The following MATN4 variants were observed in gnomAD, a reference collection of about 807,000 sequenced individuals.
MATN4 encodes matrilin-4.
A neutral mutation model predicts 54.6 loss-of-function variants in MATN4; 40 were observed. That is an observed-to-expected ratio of 0.73 (90% CI 0.57 to 0.95). The LOEUF is 0.95. Ranked by LOEUF, MATN4 falls within the 40% of genes least tolerant of loss-of-function variation. The pLI, the probability that MATN4 is intolerant of heterozygous loss-of-function variation, is 0.00. For missense variants in MATN4, 810 were observed against 819.1 expected (o/e 0.99, Z 0.13); for synonymous variants, 351 against 345.3 (o/e 1.02, Z -0.18).
rs1284438754 is a variant in MATN4, at chr20:45,306,935, G to A, written c.-35+1240C>T. The A allele has an allele frequency of 3.2e-5, 40 of 1,255,912 alleles. No individual in the cohort carries two copies. Among genetic ancestry groups the A allele is most frequent in the Non-Finnish European group, 4.0e-5 (40 of 992,320 alleles). 77.8% of individuals were successfully genotyped at this position (1,255,912 alleles called of 1,614,324 possible). A position where few individuals can be genotyped will look rare whatever the true frequency, so the allele number is the denominator to read the frequency against. ...CCGTGGAGCCACCATGGACCCCGCA[G>A]GGGCAGCAGGTGAGCGCTTACCCTC... On this transcript the variant is annotated intron_variant, in intron 1 of 9. Coordinates refer to ENST00000372756, the MANE Select transcript of MATN4 (RefSeq NM_001393530.1).
In MATN4 at chr20:45,304,749, C is replaced by T. The variant is rs1454655726; in HGVS notation, c.122G>A (p.Ser41Asn). ...GPLDLVFVID[S>N]SRSVRPFEFE... Reference sequence around the variant, plus strand: ...CTCGAAAGGGCGCACGCTGCGGGAGCTGTCAATCACGAACACCAGATCCAG... The same window carrying T: ...CTCGAAAGGGCGCACGCTGCGGGAGTTGTCAATCACGAACACCAGATCCAG... The change falls in exon 3 of 10, where the codon AGC (serine) becomes AAC (asparagine). Residue 41 changes from serine to asparagine, a missense_variant. Transcript: ENST00000372756. 1.2e-6 allele frequency: 2 copies of T among 1,601,744 alleles called. No individual in the cohort carries two copies. Among genetic ancestry groups the T allele is most frequent in the Admixed American group, 3.4e-5 (2 of 59,376 alleles).
intron 1 of MATN4, among the ~76,000 whole-genome samples, chr20:45,305,850 C>G (rs1019822757): frequency 3.3e-5 from 3 of 91,196 alleles, no homozygotes; most frequent in Admixed American, 1.6e-4. Flanking sequence ...GTCGTCCCGG[C>G]TGGAGTGCAG....
chr20:45,299,970 T>A (rs1568874358), intron 6 of MATN4, among the ~76,000 whole-genome samples: 1 of 72,506 alleles, frequency 1.4e-5, no homozygotes, highest in African/African-American at 5.7e-5. Context: ...TGTGGGTGTG[T>A]GTGTGTAGGG....
intron 3 of MATN4, chr20:45,303,653 G>C: frequency 1.7e-6 from 1 of 594,502 alleles, no homozygotes; most frequent in Non-Finnish European, 3.1e-6. Flanking sequence ...GAGAAGGGCC[G>C]TACCAAGTGA....
In MATN4 at chr20:45,298,576, C is replaced by T; in HGVS notation, c.1020G>A (p.Arg340=). 1 of 1,551,712 alleles carries T rather than the reference C, an allele frequency of 6.4e-7. No homozygotes were observed. Among genetic ancestry groups the T allele is most frequent in the Admixed American group, 1.9e-5 (1 of 53,824 alleles). Reference sequence around the variant, plus strand: ...GCAGAACAAGGTCCACGTGGCCTTCCCGGCACCCTGCACAGCCAGAAAAGC... The same window carrying T: ...GCAGAACAAGGTCCACGTGGCCTTCTCGGCACCCTGCACAGCCAGAAAAGC... The part of the protein sequence containing the change: ...QADGKSCNRC[R]EGHVDLVLLV... Residue 340 remains arginine, a synonymous_variant, in exon 7 of 10, where the codon CGG becomes CGA. Coordinates refer to ENST00000372756, the MANE Select transcript of MATN4 (RefSeq NM_001393530.1). The surrounding 1 kb of genome is among the most constrained non-coding windows in gnomAD (Gnocchi z 4.6).
At chr20:45,300,847 G>A in intron 6 of MATN4, 40 bp downstream of exon 6, 1 of 1,607,934 alleles carries the variant, frequency 6.2e-7, no homozygotes, top group Non-Finnish European at 8.5e-7. Flanking sequence ...GTGGGCAATG[G>A]GGCAGAAGCC....
intron 6 of MATN4, among the ~76,000 whole-genome samples, chr20:45,300,638 C>T (rs983719415): frequency 2.6e-5 from 4 of 151,884 alleles, no homozygotes; most frequent in Admixed American, 1.3e-4. Flanking sequence ...ATTGGTGAGC[C>T]ACAGAAGGCT....
At chr20:45,307,037 A>C (rs950306548) in intron 1 of MATN4, 5 of 820,618 alleles carry the variant, frequency 6.1e-6, no homozygotes, top group Non-Finnish European at 6.6e-6. Flanking sequence ...AAATAGGAAA[A>C]CTAAGCCCCA....
intron 2 of MATN4, 56 bp from the exon 3 acceptor site, chr20:45,304,853 G>C: frequency 8.5e-7 from 1 of 1,175,282 alleles, no homozygotes; most frequent in Non-Finnish European, 1.2e-6. Context: ...CCTCCGAGGA[G>C]ACCCCCTAGG....
At chr20:45,296,578 C>A (rs1436932073) in intron 8 of MATN4, among the ~76,000 whole-genome samples, 1 of 152,148 alleles carries the variant, frequency 6.6e-6, no homozygotes, top group Non-Finnish European at 1.5e-5. Flanking sequence ...TAACCTTGGG[C>A]AGCCAGTGCC....
In MATN4 at chr20:45,301,017, G is replaced by A. The variant is rs1248137867; in HGVS notation, c.890-8C>T. The A allele has an allele frequency of 1.2e-6, 2 of 1,613,996 alleles. No homozygotes were observed. The highest frequency in any genetic ancestry group is 2.7e-5 in the African/African-American group (2 of 74,920). ...CATTGCAAAGGTCCCGGACTGAAAG[G>A]AGAGACAGGTCAGGATGAGTCAGGA... On this transcript the variant is annotated splice_region_variant and splice_polypyrimidine_tract_variant and intron_variant, in intron 5 of 9. Transcript: ENST00000372756.
Position 45,294,025 on chromosome 20 carries a change from G to A in MATN4, c.1580-10C>T, listed in dbSNP as rs917956278. 5 of 1,592,164 alleles carry A rather than the reference G, an allele frequency of 3.1e-6. No homozygotes were observed. The highest frequency in any genetic ancestry group is 3.4e-5 in the Admixed American group (2 of 59,468). On this transcript the variant is annotated splice_polypyrimidine_tract_variant and intron_variant, in intron 8 of 9. Transcript: ENST00000372756. The stretch of plus-strand genomic sequence containing the variant: ...GCGCTGATGCCCTCCTCTGCAAGCC[G>A]GACACAGAGGGTCAGGGGGATGAGA...
rs187595548 is a variant in MATN4 at position 45,297,940 on chromosome 20, G to A, written c.1557C>T (p.Asn519=). 2.3e-5 allele frequency: 37 copies of A among 1,614,192 alleles called. No homozygotes were observed. The Middle Eastern group carries it at 1.2e-3, about 50-fold the overall frequency. The change falls in exon 8 of 10, where the codon AAC becomes AAT. Residue 519 remains asparagine (N), a synonymous_variant. Coordinates refer to ENST00000372756, the MANE Select transcript of MATN4 (RefSeq NM_001393530.1). ...CACCTGGACAGATGCTGCCTCTGAG[G>A]TTCTCCAGCAGGTGCGTCATGGTGC... is the stretch of plus-strand genomic sequence containing the variant. ...DFGTMTHLLE[N]LRGSICPEEG...
chr20:45,303,417 C>T, intron 3 of MATN4: 2 of 717,116 alleles, frequency 2.8e-6, no homozygotes, highest in East Asian at 5.4e-5. Context: ...CTGCTGCTAG[C>T]TTGTAGCCTG....
At chr20:45,302,607 A>G (rs928045116) in intron 3 of MATN4, among the ~76,000 whole-genome samples, 1 of 151,300 alleles carries the variant, frequency 6.6e-6, no homozygotes, top group African/African-American at 2.4e-5. Flanking sequence ...CCTATCTCTT[A>G]AAAAGAGAGA....
chr20:45,301,772 C>G (rs372469433), intron 3 of MATN4, among the ~76,000 whole-genome samples: 2 of 150,810 alleles, frequency 1.3e-5, no homozygotes, highest in Admixed American at 1.3e-4. Flanking sequence ...CAAAGATGGC[C>G]GAGAGCTGGA....
chr20:45,308,105 C>A (rs749535992), intron 1 of MATN4, 70 bp downstream of exon 1: 2 of 1,469,132 alleles, frequency 1.4e-6, no homozygotes, highest in East Asian at 2.3e-5. Context: ...TGCTAAAATA[C>A]ACTCGCCTGA....
At chr20:45,302,059 G>A (rs1004406294) in intron 3 of MATN4, among the ~76,000 whole-genome samples, 3 of 152,002 alleles carry the variant, frequency 2.0e-5, no homozygotes, top group Non-Finnish European at 4.4e-5. Flanking sequence ...GCTTGTGTAT[G>A]CCCCTGCATA....
Position 45,304,664 on chromosome 20 carries a change from G to C in MATN4, c.207C>G (p.Asn69Lys). ...ACTGGATCACGCCAACGCGCGTGGC[G>C]TTGGGACCCACGTTCAGGCCTCGGA... ...GLLRGLNVGPNATRVGVIQYS... is the reference protein window; with the variant it reads ...GLLRGLNVGPKATRVGVIQYS... Residue 69 changes from asparagine to lysine, a missense_variant, in exon 3 of 10, where the codon AAC (asparagine) becomes AAG (lysine). By Grantham distance (94) the Asn-to-Lys change is moderately conservative. Transcript: ENST00000372756. 1 of 1,612,770 alleles carries C rather than the reference G, an allele frequency of 6.2e-7. No individual in the cohort carries two copies. Among genetic ancestry groups the C allele is most frequent in the Non-Finnish European group, 8.5e-7 (1 of 1,179,278 alleles).
Sources: allele counts gnomAD v4.1 joint callset (sites outside exome capture counted in the v4.1 genomes callset), GRCh38; gene constraint gnomAD v4.1.1; non-coding constraint Gnocchi (gnomAD v3.1); transcripts MANE v1.5; gene names NCBI Gene and HGNC (gene_info 2026-07-23, HGNC 2026-07-21).